STK24: variants seen among roughly 807,000 people sequenced by gnomAD.
STK24 encodes the protein serine/threonine-protein kinase 24.
Under a neutral mutation model 55.6 loss-of-function variants are expected in STK24, and 21 were observed. That is an observed-to-expected ratio of 0.38 (90% CI 0.27 to 0.54). The LOEUF is 0.54. Ranked by LOEUF, STK24 falls within the 20% of genes least tolerant of loss-of-function variation. The probability of loss-of-function intolerance (pLI) is 0.79; values close to 1 mark genes in which losing one functional copy is unlikely to be tolerated. For synonymous variants in STK24, 200 were observed against 215.2 expected, an observed-to-expected ratio of 0.93 and a Z score of 0.62; for missense variants, 383 against 538.4, an observed-to-expected ratio of 0.71 and a Z score of 2.86.
intron 2 of STK24, among the ~76,000 whole-genome samples, chr13:98,517,692 T>C (rs1214124587): frequency 2.0e-5 from 3 of 152,202 alleles, no homozygotes; most frequent in East Asian, 1.9e-4. Context: ...ACATGTGTAG[T>C]GCTTTCGTTT....
At chr13:98,497,152 C>T (rs1008570448) in intron 2 of STK24, among the ~76,000 whole-genome samples, 4 of 152,248 alleles carry the variant, frequency 2.6e-5, no homozygotes, top group South Asian at 4.1e-4. Flanking sequence ...TCCCTGCCCG[C>T]GGCACAGTCC....
At chr13:98,517,783 C>A (rs1422840551) in intron 2 of STK24, among the ~76,000 whole-genome samples, 1 of 152,206 alleles carries the variant, frequency 6.6e-6, no homozygotes, top group Non-Finnish European at 1.5e-5. Context: ...CATTCTTTAA[C>A]CCTGGTTTCC....
intron 2 of STK24, among the ~76,000 whole-genome samples, chr13:98,490,988 T>C (rs1278073006): frequency 6.6e-6 from 1 of 151,888 alleles, no homozygotes; most frequent in Non-Finnish European, 1.5e-5. Context: ...CAAAGATGCA[T>C]GGGGACCAGC....
At chr13:98,538,186 CTCCATCGGCT>C (rs370375723) in intron 1 of STK24, among the ~76,000 whole-genome samples, 24,574 of 148,828 alleles carry the variant, frequency 0.17, 2,091 homozygotes, top group African/African-American at 0.18. Context: ...AAAGGGTATT[CTCCATCGGCT>C]AGGTCAATCA....
chr13:98,535,887 C>A (rs1403070289), intron 1 of STK24, among the ~76,000 whole-genome samples: 1 of 152,200 alleles, frequency 6.6e-6, no homozygotes, highest in African/African-American at 2.4e-5. Context: ...GATACCACTT[C>A]CCATTCCCTA....
chr13:98,558,294 G>A (rs1035715490), intron 1 of STK24, among the ~76,000 whole-genome samples: 3 of 152,156 alleles, frequency 2.0e-5, no homozygotes, highest in East Asian at 1.9e-4. Flanking sequence ...AAGGCCTACC[G>A]GTTTTATGAA....
chr13:98,563,276 C>T (rs190165086), intron 1 of STK24, among the ~76,000 whole-genome samples: 1 of 152,210 alleles, frequency 6.6e-6, no homozygotes, highest in African/African-American at 2.4e-5. Context: ...AGATGGCACA[C>T]TTCAATCGCA....
intron 10 of STK24, chr13:98,456,386 A>G: frequency 2.3e-6 from 1 of 436,746 alleles, no homozygotes; most frequent in South Asian, 1.6e-5. Context: ...GGACACCTGA[A>G]GATGAACTGT....
intron 2 of STK24, among the ~76,000 whole-genome samples, chr13:98,501,047 A>G (rs1398369675): frequency 6.6e-6 from 1 of 152,134 alleles, no homozygotes; most frequent in East Asian, 1.9e-4. Flanking sequence ...TATAAGGGGG[A>G]AAAAAAGGGA....
At chr13:98,481,324 G>A (rs1894570908) in intron 3 of STK24, among the ~76,000 whole-genome samples, 1 of 152,210 alleles carries the variant, frequency 6.6e-6, no homozygotes, top group Non-Finnish European at 1.5e-5. Flanking sequence ...GGACGGTACA[G>A]CCACCCTCCA....
In STK24 at chr13:98,526,726, C is replaced by T. The variant is rs538071545; in HGVS notation, c.43-7253G>A. ...AAGAAACTTGGGTTGTGCATTTCTG[C>T]TGTGGGGAGGAGTGAGTGAGTGACC... On this transcript the variant is annotated intron_variant, in intron 1 of 10. Coordinates refer to ENST00000539966, the MANE Select transcript of STK24 (RefSeq NM_001032296.4). Among the ~76,000 whole-genome samples the T allele has an allele frequency of 1.5e-3, 232 of 152,296 alleles. 3 individuals are homozygous for T. In the South Asian group the frequency reaches 0.016, roughly 10 times the overall value.
intron 5 of STK24, among the ~76,000 whole-genome samples, chr13:98,474,247 T>A (rs1442625759): frequency 1.3e-5 from 2 of 152,118 alleles, no homozygotes; most frequent in Non-Finnish European, 2.9e-5. Context: ...AAGAAAGGGT[T>A]AGGGTTTCAT....
At chr13:98,575,369 TAAAC>T (rs1897855780) in intron 1 of STK24, among the ~76,000 whole-genome samples, 1 of 151,344 alleles carries the variant, frequency 6.6e-6, no homozygotes. Context: ...ATTTACTGCT[TAAAC>T]ATATATACAC....
At chr13:98,488,079 T>C (rs1894871424) in intron 2 of STK24, among the ~76,000 whole-genome samples, 1 of 151,926 alleles carries the variant, frequency 6.6e-6, no homozygotes, top group Non-Finnish European at 1.5e-5. Flanking sequence ...AATGTGACTC[T>C]TTAAAGAGGT....
Position 98,460,478 on chromosome 13 carries a change from T to C in STK24, c.1054-38A>G, listed in dbSNP as rs751158494. 3 of 1,569,342 alleles carry C rather than the reference T, an allele frequency of 1.9e-6. No homozygotes were observed. The East Asian group carries it at 6.7e-5, about 35-fold the overall frequency. On this transcript the variant is annotated intron_variant, in intron 8 of 10. Coordinates refer to ENST00000539966, the MANE Select transcript of STK24 (RefSeq NM_001032296.4). Reference sequence around the variant, plus strand: ...GGAAAAAAAGGTCATCAGAAACAGTTGACGTTCACATTGGCAATAATTTAA... The same window carrying C: ...GGAAAAAAAGGTCATCAGAAACAGTCGACGTTCACATTGGCAATAATTTAA...
At chr13:98,463,215 C>T (rs946111272) in intron 7 of STK24, among the ~76,000 whole-genome samples, 3 of 152,168 alleles carry the variant, frequency 2.0e-5, no homozygotes, top group African/African-American at 7.2e-5. Context: ...TCCAGCCCCA[C>T]TCCGCCTCTT....
rs397851778 is a variant in STK24 at position 98,565,631 on chromosome 13, C to CAA, written c.42+11112_42+11113dup. ...TGGGCACGAGAATGAGACTCCATCT[C>CAA]AAAAAAAAAAAAAAAAAATTATATT... is the stretch of plus-strand genomic sequence containing the variant. On this transcript the variant is annotated intron_variant, in intron 1 of 10. Transcript: ENST00000539966. Among the ~76,000 whole-genome samples the CAA allele has an allele frequency of 1.2e-3, 135 of 117,192 alleles. 1 individual carries two copies. The highest frequency in any genetic ancestry group is 5.5e-3 in the East Asian group (23 of 4,192). 76.9% of individuals were successfully genotyped at this position (117,192 alleles called of 152,430 possible). A position where few individuals can be genotyped will look rare whatever the true frequency, so the allele number is the denominator to read the frequency against.
intron 1 of STK24, among the ~76,000 whole-genome samples, chr13:98,562,145 T>C (rs1897440038): frequency 6.6e-6 from 1 of 152,222 alleles, no homozygotes; most frequent in Non-Finnish European, 1.5e-5. Flanking sequence ...ACCTACATTA[T>C]GACTGCAATT....
At chr13:98,474,165 G>A (rs1025583888) in intron 5 of STK24, among the ~76,000 whole-genome samples, 5 of 152,080 alleles carry the variant, frequency 3.3e-5, no homozygotes, top group African/African-American at 9.7e-5. Flanking sequence ...AAAAGTGGAG[G>A]GCAACAGAGA....
Sources: gnomAD v4.1 joint callset for allele counts (sites outside exome capture counted in the v4.1 genomes callset) on GRCh38, gnomAD v4.1.1 for gene constraint, MANE v1.5 for transcripts, NCBI Gene and HGNC (gene_info 2026-07-23, HGNC 2026-07-21) for gene names.